The following INO80D variants were observed in gnomAD, a reference collection of about 807,000 sequenced individuals.
INO80D encodes INO80 complex subunit D.
In INO80D, 21 loss-of-function variants were observed where a neutral mutation model predicts 87.6. That is an observed-to-expected ratio of 0.24 (90% CI 0.17 to 0.35). INO80D has a LOEUF of 0.35. Ranked by LOEUF, INO80D falls within the 10% of genes least tolerant of loss-of-function variation. INO80D has a pLI of 1.00. For missense variants in INO80D, 982 were observed against 1,280.7 expected, an observed-to-expected ratio of 0.77 and a Z score of 3.56; for synonymous variants, 440 against 491.0, an observed-to-expected ratio of 0.90 and a Z score of 1.37.
chr2:206,054,809 C>T (rs570848471), intron 4 of INO80D, among the ~76,000 whole-genome samples: 41 of 152,200 alleles, frequency 2.7e-4, no homozygotes, highest in African/African-American at 8.2e-4. Context: ...CTACCACACC[C>T]GGCCTATTTT....
At chr2:206,010,043 C>T (rs1465687668) in intron 8 of INO80D, among the ~76,000 whole-genome samples, 1 of 150,846 alleles carries the variant, frequency 6.6e-6, no homozygotes, top group Admixed American at 6.7e-5. Flanking sequence ...TGCTGATGGT[C>T]ATTATAGTTG....
Position 205,997,085 on chromosome 2 carries a change from G to A in INO80D, c.*7283C>T, listed in dbSNP as rs1449820080. The A allele has an allele frequency of 1.3e-5, 2 of 151,960 alleles. No individual in the cohort carries two copies. The highest frequency in any genetic ancestry group is 2.9e-5 in the Non-Finnish European group (2 of 67,946). The allele number at this position is 151,960 out of a possible 1,614,324, so 9.4% of individuals were successfully genotyped here. ...CAGGTATATTATCAGAAGTTGCTTT[G>A]ACATATTTCAAAGTACATGATTTTT... On this transcript the variant is annotated 3_prime_UTR_variant, in exon 11 of 11. Coordinates refer to ENST00000403263, the MANE Select transcript of INO80D (RefSeq NM_017759.5).
At chr2:206,065,767 G>A (rs944224799) in intron 1 of INO80D, among the ~76,000 whole-genome samples, 3 of 152,140 alleles carry the variant, frequency 2.0e-5, no homozygotes, top group African/African-American at 7.2e-5. Context: ...CATACAAATG[G>A]CTAACAAATA....
Position 206,004,983 on chromosome 2 carries a change from G to C in INO80D, c.2469C>G (p.Ser823=). ...RQQYSSDHSH[S]SPHGSHYDSE... Reference sequence around the variant, plus strand: ...TATCATAATGGCTTCCATGGGGTGAGGAGTGTGAGTGATCACTGCTGTATT... The same window carrying C: ...TATCATAATGGCTTCCATGGGGTGACGAGTGTGAGTGATCACTGCTGTATT... Residue 823 remains serine (S), a synonymous_variant, in exon 11 of 11, where the codon TCC becomes TCG. Coordinates refer to ENST00000403263, the MANE Select transcript of INO80D (RefSeq NM_017759.5). This position sits in a 1 kb window ranked among gnomAD's most constrained non-coding sequence, Gnocchi z 4.9. 1 of 1,614,020 alleles carries C rather than the reference G, an allele frequency of 6.2e-7. No homozygotes were observed. Among genetic ancestry groups the C allele is most frequent in the Non-Finnish European group, 8.5e-7 (1 of 1,179,886 alleles).
At chr2:206,017,045 T>C (rs1688337824) in intron 8 of INO80D, among the ~76,000 whole-genome samples, 1 of 152,164 alleles carries the variant, frequency 6.6e-6, no homozygotes, top group African/African-American at 2.4e-5. Context: ...GCTGAATCCT[T>C]AGCCCCTAGT....
chr2:206,028,117 C>G lies in INO80D; in HGVS notation c.1292G>C (p.Arg431Pro). 1 of 1,536,960 alleles carries G rather than the reference C, an allele frequency of 6.5e-7. No homozygotes were observed. The highest frequency in any genetic ancestry group is 8.8e-7 in the Non-Finnish European group (1 of 1,136,066). The change falls in exon 6 of 11, where the codon CGA becomes CCA. Residue 431 changes from arginine (R) to proline (P), a missense_variant. Physicochemically the swap from Arg to Pro is moderately radical, Grantham distance 103. Transcript: ENST00000403263. ...IQELRRAACS[R>P]TSISRTKLRE... is the part of the protein sequence containing the mutation. ...AGGTTGCTGTGGCTCTAACCTGGTT[C>G]GACTGCATGCAGCTCTCCGCAGTTC...
intron 8 of INO80D, among the ~76,000 whole-genome samples, chr2:206,012,588 T>C (rs817994): frequency 0.99 from 151,193 of 152,292 alleles, 75,059 homozygotes; most frequent in East Asian, 1. Flanking sequence ...AATAGAGGCT[T>C]GGCACAGTGG....
intron 5 of INO80D, among the ~76,000 whole-genome samples, chr2:206,039,426 T>A (rs943502667): frequency 2.6e-5 from 4 of 151,518 alleles, no homozygotes; most frequent in Non-Finnish European, 5.9e-5. Context: ...AAAAGAAACA[T>A]ATAAACGATG....
Position 206,028,169 on chromosome 2 carries a change from G to T in INO80D, c.1240C>A (p.Pro414Thr), listed in dbSNP as rs758670113. ...KALLQAASKE[P>T]ECTGQLIQEL... ...TGTATTAACTGACCAGTGCATTCTG[G>T]TTCTTTACTGGCCGCCTGCAGCAAA... Residue 414 changes from proline (P) to threonine (T), a missense_variant, in exon 6 of 11, where the codon CCA becomes ACA. By Grantham distance (38) the Pro-to-Thr change is conservative (BLOSUM62 -1). Coordinates refer to ENST00000403263, the MANE Select transcript of INO80D (RefSeq NM_017759.5). 1 of 1,584,680 alleles carries T rather than the reference G, an allele frequency of 6.3e-7. No individual in the cohort carries two copies. Among genetic ancestry groups the T allele is most frequent in the South Asian group, 1.1e-5 (1 of 87,318 alleles).
At chr2:206,011,320 A>G (rs566766363) in intron 8 of INO80D, among the ~76,000 whole-genome samples, 6 of 152,284 alleles carry the variant, frequency 3.9e-5, no homozygotes, top group South Asian at 2.1e-4. Context: ...AAGGCTCCCA[A>G]TGATCACCTG....
chr2:206,078,255 T>C (rs1311976381), intron 1 of INO80D, among the ~76,000 whole-genome samples: 1 of 151,646 alleles, frequency 6.6e-6, no homozygotes, highest in Non-Finnish European at 1.5e-5. Context: ...CTGTCTCTAC[T>C]AAAAATACAA....
chr2:206,057,899 TA>T (rs112491612), intron 3 of INO80D, among the ~76,000 whole-genome samples: 1,789 of 139,894 alleles, frequency 0.013, 17 homozygotes, highest in African/African-American at 0.033. Context: ...GTGGAAAGTT[TA>T]AAAAAAAAAA....
At position 206,056,717 on chromosome 2, in the gene INO80D, C is replaced by G; in HGVS notation, c.445G>C (p.Asp149His). ...TCTTCCTCATTGAAAGCAAATGGGT[C>G]TTCCAATTCGGTTTCCAGGTAGTGG... ...PLHYLETELE[D>H]PFAFNEEDDD... The change falls in exon 4 of 11, where the codon GAC becomes CAC. Residue 149 changes from aspartate to histidine, a missense_variant. Coordinates refer to ENST00000403263, the MANE Select transcript of INO80D (RefSeq NM_017759.5). 1 of 1,613,644 alleles carries G rather than the reference C, an allele frequency of 6.2e-7. No individual in the cohort carries two copies. Among genetic ancestry groups the G allele is most frequent in the Non-Finnish European group, 8.5e-7 (1 of 1,179,768 alleles).
chr2:206,062,442 C>A lies in INO80D; in HGVS notation c.218+357G>T, dbSNP rs971921641. ...AACTAGGTAGAAAAGTCAGGAATTA[C>A]TTTATAAGGCCATAAACCAAACAAA... On this transcript the variant is annotated intron_variant, in intron 3 of 10. Transcript: ENST00000403263. The surrounding 1 kb of genome is among the most constrained non-coding windows in gnomAD (Gnocchi z 4.6). Among the ~76,000 whole-genome samples, 2 of 151,992 alleles carry A rather than the reference C, an allele frequency of 1.3e-5. No individual in the cohort carries two copies. The highest frequency in any genetic ancestry group is 2.9e-5 in the Non-Finnish European group (2 of 68,008).
chr2:206,056,810 A>G lies in INO80D; in HGVS notation c.352T>C (p.Leu118=), dbSNP rs192089271. 2.5e-6 allele frequency: 4 copies of G among 1,612,524 alleles called. No homozygotes were observed. The Admixed American group carries it at 5.0e-5, about 20-fold the overall frequency. ...TMAFSLTVPT[L]ALKMPNGLDG... is the part of the protein sequence containing the mutation. ...AGTCCGTTGGGCATCTTCAAGGCCA[A>G]CGTGGGCACTGTCAGGCTAAAGGCC... The change falls in exon 4 of 11, where the codon TTG becomes CTG. Residue 118 remains leucine, a synonymous_variant. Coordinates refer to ENST00000403263, the MANE Select transcript of INO80D (RefSeq NM_017759.5).
intron 6 of INO80D, among the ~76,000 whole-genome samples, chr2:206,027,152 ACGCG>A (rs762375901): frequency 8.5e-4 from 77 of 90,204 alleles, no homozygotes; most frequent in Non-Finnish European, 1.4e-3. Flanking sequence ...GCACGCGCGC[ACGCG>A]CACACACACA....
At chr2:206,067,245 CAA>C (rs774707029) in intron 1 of INO80D, among the ~76,000 whole-genome samples, 20 of 122,784 alleles carry the variant, frequency 1.6e-4, no homozygotes, top group South Asian at 2.5e-4. Flanking sequence ...CAACCGTCTC[CAA>C]AAAAAAAAAA....
intron 4 of INO80D, among the ~76,000 whole-genome samples, chr2:206,052,370 T>C (rs1198460907): frequency 6.6e-6 from 1 of 152,120 alleles, no homozygotes; most frequent in African/African-American, 2.4e-5. Flanking sequence ...AGTTTTTGTA[T>C]TTTTAGTAGA....
At chr2:206,048,541 T>A (rs1247837267) in intron 4 of INO80D, among the ~76,000 whole-genome samples, 3 of 152,218 alleles carry the variant, frequency 2.0e-5, no homozygotes, top group Non-Finnish European at 2.9e-5. Flanking sequence ...CCAAATGCTA[T>A]AATTTTTAAT....
Sources: allele counts gnomAD v4.1 joint callset (sites outside exome capture counted in the v4.1 genomes callset), GRCh38; gene constraint gnomAD v4.1.1; non-coding constraint Gnocchi (gnomAD v3.1); transcripts MANE v1.5; gene names NCBI Gene and HGNC (gene_info 2026-07-23, HGNC 2026-07-21).